The following UQCRFS1 variants were observed in gnomAD, a reference collection of about 807,000 sequenced individuals.
UQCRFS1 encodes cytochrome b-c1 complex subunit Rieske, mitochondrial.
Under a neutral mutation model 15.6 loss-of-function variants are expected in UQCRFS1, and 6 were observed. The observed-to-expected ratio is 0.38, with a 90% CI of 0.21 to 0.76. The LOEUF is 0.76. Ranked by LOEUF, UQCRFS1 falls within the 30% of genes least tolerant of loss-of-function variation. UQCRFS1 has a pLI of 0.44. For synonymous variants in UQCRFS1, 105 were observed against 154.3 expected, an observed-to-expected ratio of 0.68 and a Z score of 2.37; for missense variants, 203 against 366.7, an observed-to-expected ratio of 0.55 and a Z score of 3.65.
chr19:29,206,665 A>G lies in UQCRFS1; in HGVS notation c.*883T>C, dbSNP rs1454541657. The G allele has an allele frequency of 6.6e-6, 1 of 152,232 alleles. No homozygotes were observed. Among genetic ancestry groups the G allele is most frequent in the African/African-American group, 2.4e-5 (1 of 41,448 alleles). 9.4% of individuals were successfully genotyped at this position (152,232 alleles called of 1,614,324 possible). ...GAGTGACTGTAAACCCAACAGGAAA[A>G]AACATTCAAAGTGTCATCACTACAG... On this transcript the variant is annotated 3_prime_UTR_variant, in exon 2 of 2. Transcript: ENST00000304863.
Position 29,212,999 on chromosome 19 carries a change from C to A in UQCRFS1, c.120G>T (p.Gln40His). 1 of 1,410,154 alleles carries A rather than the reference C, an allele frequency of 7.1e-7. No individual in the cohort carries two copies. Among genetic ancestry groups the A allele is most frequent in the South Asian group, 1.5e-5 (1 of 64,956 alleles). 87.4% of individuals were successfully genotyped at this position (1,410,154 alleles called of 1,614,324 possible). Residue 40 changes from glutamine to histidine, a missense_variant, in exon 1 of 2, where the codon CAG becomes CAT. Gln to His is a conservative substitution (Grantham distance 24). Transcript: ENST00000304863. ...VQATVPATPE[Q>H]PVLDLKRPFL... ...AGGGCCGCTTCAGGTCCAACACAGG[C>A]TGCTCCGGGGTGGCGGGCACCGTGG... is the stretch of plus-strand genomic sequence containing the variant.
At chr19:29,208,220 T>C (rs1327995396) in intron 1 of UQCRFS1, 62 bp from the exon 2 acceptor site, 5 of 1,519,610 alleles carry the variant, frequency 3.3e-6, no homozygotes, top group African/African-American at 1.4e-5. Context: ...GGAGTATATA[T>C]CAGGAAATAG....
At position 29,206,629 on chromosome 19, in the gene UQCRFS1, T is replaced by G. The variant is rs1381386076; in HGVS notation, c.*919A>C. The G allele has an allele frequency of 6.6e-6, 1 of 152,146 alleles. No individual in the cohort carries two copies. The highest frequency in any genetic ancestry group is 1.5e-5 in the Non-Finnish European group (1 of 68,030). The allele number at this position is 152,146 out of a possible 1,614,324, so 9.4% of individuals were successfully genotyped here. A position where few individuals can be genotyped will look rare whatever the true frequency, so the allele number is the denominator to read the frequency against. ...CGTCTGGTTCCACACCATCTTACAG[T>G]GAAAAGTGCTGAGTGACTGTAAACC... On this transcript the variant is annotated 3_prime_UTR_variant, in exon 2 of 2. Coordinates refer to ENST00000304863, the MANE Select transcript of UQCRFS1 (RefSeq NM_006003.3).
chr19:29,212,212 G>T (rs574618876), intron 1 of UQCRFS1, among the ~76,000 whole-genome samples: 1 of 152,140 alleles, frequency 6.6e-6, no homozygotes, highest in African/African-American at 2.4e-5. Context: ...ACGACAATTC[G>T]TCTTGTCAAA....
At chr19:29,208,320 C>T (rs577639244) in intron 1 of UQCRFS1, among the ~76,000 whole-genome samples, 162 bp from the exon 2 acceptor site, 39 of 152,252 alleles carry the variant, frequency 2.6e-4, no homozygotes, top group African/African-American at 9.4e-4. Flanking sequence ...ATTGGCGGTG[C>T]TAGCATATAA....
At chr19:29,212,483 T>G (rs1446599421) in intron 1 of UQCRFS1, among the ~76,000 whole-genome samples, 1 of 152,132 alleles carries the variant, frequency 6.6e-6, no homozygotes, top group East Asian at 1.9e-4. Context: ...TTCCATTTCT[T>G]AAGCATGTAA....
intron 1 of UQCRFS1, among the ~76,000 whole-genome samples, chr19:29,209,137 C>T (rs545165469): frequency 1.0e-4 from 2 of 20,100 alleles, no homozygotes; most frequent in East Asian, 0.083. Context: ...TTACATCCCT[C>T]TCTCCAATAC....
rs140854454 is a variant in UQCRFS1, at chr19:29,208,738, A to T, written c.215-580T>A. On this transcript the variant is annotated intron_variant, in intron 1 of 1. Coordinates refer to ENST00000304863, the MANE Select transcript of UQCRFS1 (RefSeq NM_006003.3). ...TAATAAACATTCTGTGAACTGTATA[A>T]CTCTGCTGCAGAAAAATTAGCGTTT... Among the ~76,000 whole-genome samples, 124 of 152,288 alleles carry T rather than the reference A, an allele frequency of 8.1e-4. 1 individual carries two copies. The East Asian group carries it at 0.017, about 20-fold the overall frequency.
At chr19:29,209,775 A>AG (rs2145206669) in intron 1 of UQCRFS1, among the ~76,000 whole-genome samples, 1 of 152,362 alleles carries the variant, frequency 6.6e-6, no homozygotes, top group South Asian at 2.1e-4. Context: ...AGGAATAAAA[A>AG]GTTCATACTT....
chr19:29,212,770 C>T (rs938615176), intron 1 of UQCRFS1, 135 bp downstream of exon 1: 15 of 959,730 alleles, frequency 1.6e-5, no homozygotes, highest in Non-Finnish European at 2.0e-5. Context: ...GGGGCCAGGC[C>T]CAGAGTTGCG....
At position 29,206,763 on chromosome 19, in the gene UQCRFS1, T is replaced by C. The variant is rs1976597866; in HGVS notation, c.*785A>G. 1 of 152,180 alleles carries C rather than the reference T, an allele frequency of 6.6e-6. No individual in the cohort carries two copies. Among genetic ancestry groups the C allele is most frequent in the Admixed American group, 6.5e-5 (1 of 15,270 alleles). The allele number at this position is 152,180 out of a possible 1,614,324, so 9.4% of individuals were successfully genotyped here. A position where few individuals can be genotyped will look rare whatever the true frequency, so the allele number is the denominator to read the frequency against. ...CAGATGCTCCCTTTCTGCCTCCTGATAGAGTGGATGCAGGAACTTTGGGGA... is the reference window on the plus strand; with the variant it reads ...CAGATGCTCCCTTTCTGCCTCCTGACAGAGTGGATGCAGGAACTTTGGGGA... On this transcript the variant is annotated 3_prime_UTR_variant, in exon 2 of 2. Transcript: ENST00000304863.
At chr19:29,208,735 A>G (rs1434212264) in intron 1 of UQCRFS1, among the ~76,000 whole-genome samples, 1 of 152,218 alleles carries the variant, frequency 6.6e-6, no homozygotes, top group Admixed American at 6.5e-5. Context: ...TGTGAACTGT[A>G]TAACTCTGCT....
rs1976598685 is a variant in UQCRFS1 at position 29,206,831 on chromosome 19, C to T, written c.*717G>A. The T allele has an allele frequency of 6.6e-6, 1 of 152,160 alleles. No homozygotes were observed. Among genetic ancestry groups the T allele is most frequent in the Non-Finnish European group, 1.5e-5 (1 of 68,048 alleles). The allele number at this position is 152,160 out of a possible 1,614,324, so 9.4% of individuals were successfully genotyped here. Reference sequence around the variant, plus strand: ...AAAATGAACGAAATGGCAGAGCACTCTCATTTTGGAAAGTTTCTCTCAGGT... The same window carrying T: ...AAAATGAACGAAATGGCAGAGCACTTTCATTTTGGAAAGTTTCTCTCAGGT... On this transcript the variant is annotated 3_prime_UTR_variant, in exon 2 of 2. Transcript: ENST00000304863.
chr19:29,207,156 C>T lies in UQCRFS1; in HGVS notation c.*392G>A, dbSNP rs187211851. 22 of 182,032 alleles carry T rather than the reference C, an allele frequency of 1.2e-4. No homozygotes were observed. The South Asian group carries it at 1.4e-3, about 12-fold the overall frequency. The allele number at this position is 182,032 out of a possible 1,614,324, so 11.3% of individuals were successfully genotyped here. A position where few individuals can be genotyped will look rare whatever the true frequency, so the allele number is the denominator to read the frequency against. ...CAATGCCATAGACACTTAGATGACCCGTTAATTTTACTTCATCCCAACAAT... is the reference window on the plus strand; with the variant it reads ...CAATGCCATAGACACTTAGATGACCTGTTAATTTTACTTCATCCCAACAAT... On this transcript the variant is annotated 3_prime_UTR_variant, in exon 2 of 2. Transcript: ENST00000304863.
In UQCRFS1 at chr19:29,207,862, C is replaced by G. The variant is rs1976608145; in HGVS notation, c.511G>C (p.Gly171Arg). 1.2e-6 allele frequency: 2 copies of G among 1,613,892 alleles called. No homozygotes were observed. The highest frequency in any genetic ancestry group is 1.7e-6 in the Non-Finnish European group (2 of 1,179,876). ...EGKNMAFKWR[G>R]KPLFVRHRTQ... is the part of the protein sequence containing the mutation. The stretch of plus-strand genomic sequence containing the variant: ...CTATGACGCACAAACAGGGGTTTGC[C>G]TCTCCATTTGAAAGCCATGTTCTTG... The change falls in exon 2 of 2, where the codon GGC becomes CGC. Residue 171 changes from glycine (G) to arginine (R), a missense_variant. Gly to Arg is a moderately radical substitution (Grantham distance 125). Transcript: ENST00000304863.
rs1483216241 is a variant in UQCRFS1 at position 29,212,040 on chromosome 19, G to GT, written c.214+864dup. On this transcript the variant is annotated intron_variant, in intron 1 of 1. Transcript: ENST00000304863. ...TTAAGAGATGCCATTAGTCTTCCCAGTTTTTTTGAAAACTACACAGCCTGC... is the reference window on the plus strand; with the variant it reads ...TTAAGAGATGCCATTAGTCTTCCCAGTTTTTTTTGAAAACTACACAGCCTGC... Among the ~76,000 whole-genome samples, 8 of 152,280 alleles carry GT rather than the reference G, an allele frequency of 5.3e-5. No homozygotes were observed. In the South Asian group the frequency reaches 1.0e-3, roughly 20 times the overall value.
rs1241688400 is a variant in UQCRFS1, at chr19:29,212,787, G to A, written c.214+118C>T. On this transcript the variant is annotated intron_variant, in intron 1 of 1. Coordinates refer to ENST00000304863, the MANE Select transcript of UQCRFS1 (RefSeq NM_006003.3). ...GGCCAGGCCCAGAGTTGCGGAGGCC[G>A]CCCAGCCCGACCTGATTCAGGCTCC... 2.3e-5 allele frequency: 26 copies of A among 1,138,652 alleles called. No individual in the cohort carries two copies. The East Asian group carries it at 7.9e-4, about 35-fold the overall frequency. The allele number at this position is 1,138,652 out of a possible 1,614,324, so 70.5% of individuals were successfully genotyped here.
Position 29,208,033 on chromosome 19 carries a change from A to G in UQCRFS1, c.340T>C (p.Ser114Pro), listed in dbSNP as rs1415956494. 6.2e-7 allele frequency: 1 copy of G among 1,614,046 alleles called. No homozygotes were observed. Among genetic ancestry groups the G allele is most frequent in the Non-Finnish European group, 8.5e-7 (1 of 1,179,888 alleles). The change falls in exon 2 of 2, where the codon TCC (serine) becomes CCC (proline). Residue 114 changes from serine to proline, a missense_variant. Physicochemically the swap from Ser to Pro is moderately conservative, Grantham distance 74 (BLOSUM62 -1). Transcript: ENST00000304863. ...GTAGTTACTCCAGTTACCAAATAGG[A>G]GAAACCTTTCCTAGCCTCGCTGCTT... ...RESSEARKGF[S>P]YLVTGVTTVG...
chr19:29,208,813 C>T (rs1240859288), intron 1 of UQCRFS1, among the ~76,000 whole-genome samples: 1 of 152,090 alleles, frequency 6.6e-6, no homozygotes, highest in Admixed American at 6.5e-5. Context: ...CTTAAAACCA[C>T]TAATAGGCAG....
Sources: allele counts gnomAD v4.1 joint callset (sites outside exome capture counted in the v4.1 genomes callset), GRCh38; gene constraint gnomAD v4.1.1; transcripts MANE v1.5; gene names NCBI Gene and HGNC (gene_info 2026-07-23, HGNC 2026-07-21).